Variants in PARP4 observed in about 807,000 individuals in gnomAD.
PARP4 encodes protein mono-ADP-ribosyltransferase PARP4.
A neutral mutation model predicts 187.7 loss-of-function variants in PARP4; 120 were observed. The observed-to-expected ratio is 0.64, with a 90% CI of 0.55 to 0.74. The LOEUF is 0.74. Ranked by LOEUF, PARP4 falls within the 30% of genes least tolerant of loss-of-function variation. The probability of loss-of-function intolerance (pLI) is 0.00; values close to 1 mark genes in which losing one functional copy is unlikely to be tolerated. For missense variants in PARP4, 1,836 were observed against 2,070.5 expected, an observed-to-expected ratio of 0.89 and a Z score of 2.20; for synonymous variants, 654 against 740.9, an observed-to-expected ratio of 0.88 and a Z score of 1.90.
In PARP4 at chr13:24,435,419, CTA is replaced by C. The variant is rs1565989242; in HGVS notation, c.3720_3721del (p.His1240GlnfsTer19). 3.7e-6 allele frequency: 6 copies of C among 1,610,956 alleles called. No homozygotes were observed. Among genetic ancestry groups the C allele is most frequent in the Non-Finnish European group, 5.1e-6 (6 of 1,179,616 alleles). ...TTTTCTTTTGGAAAATGGAATTTTCCTATGTTTTCGTTTGGATAAACGTAATT... is the reference window on the plus strand; with the variant it reads ...TTTTCTTTTGGAAAATGGAATTTTCCTGTTTTCGTTTGGATAAACGTAATT... On this transcript the variant is annotated frameshift_variant, in exon 31 of 34. Coordinates refer to ENST00000381989, the MANE Select transcript of PARP4 (RefSeq NM_006437.4). LOFTEE classifies it high-confidence loss of function.
chr13:24,483,872 C>G (rs1329789946), intron 12 of PARP4, among the ~76,000 whole-genome samples: 1 of 152,224 alleles, frequency 6.6e-6, no homozygotes, highest in Non-Finnish European at 1.5e-5. Context: ...AGTGATCTAC[C>G]TGCCTTGGCC....
rs769080811 is a variant in PARP4, at chr13:24,456,468, C to G, written c.2435G>C (p.Cys812Ser). 6.3e-7 allele frequency: 1 copy of G among 1,599,326 alleles called. No individual in the cohort carries two copies. Among genetic ancestry groups the G allele is most frequent in the Non-Finnish European group, 8.6e-7 (1 of 1,168,292 alleles). ...TTCCATGGTGCTAATGACAGCTTTG[C>G]AGTCTGTGCGCTGCAAAACAAACAC... ...THELKQKRTD[C>S]KAVISTMEGS... Residue 812 changes from cysteine (C) to serine (S), a missense_variant, in exon 21 of 34, where the codon TGC (cysteine) becomes TCC (serine). Cys to Ser is a moderately radical substitution (Grantham distance 112). Transcript: ENST00000381989.
intron 9 of PARP4, 59 bp downstream of exon 9, chr13:24,492,362 A>C: frequency 3.2e-6 from 4 of 1,238,742 alleles, no homozygotes. Context: ...CAGATTTCTA[A>C]AGACCCCCAC....
rs992372539 is a variant in PARP4, at chr13:24,477,708, C to G, written c.1782G>C (p.Lys594Asn). The G allele has an allele frequency of 1.9e-6, 3 of 1,569,786 alleles. No homozygotes were observed. The highest frequency in any genetic ancestry group is 2.7e-5 in the African/African-American group (2 of 73,114). Residue 594 changes from lysine (K) to asparagine (N), a missense_variant, in exon 14 of 34, where the codon AAG becomes AAC. Physicochemically the swap from Lys to Asn is moderately conservative, Grantham distance 94. Coordinates refer to ENST00000381989, the MANE Select transcript of PARP4 (RefSeq NM_006437.4). The stretch of plus-strand genomic sequence containing the variant: ...TCAAGAAAATTGTCCTACCTTCAAC[C>G]TTTGAAAAATTTGAAAACTCAGGTC... ...EYRPEFSNFSKVEDYQLPDAK... is the reference protein window; with the variant it reads ...EYRPEFSNFSNVEDYQLPDAK...
intron 12 of PARP4, among the ~76,000 whole-genome samples, chr13:24,480,277 G>C (rs1049521949): frequency 1.3e-5 from 2 of 152,194 alleles, no homozygotes; most frequent in African/African-American, 4.8e-5. Context: ...CTGCTCCACT[G>C]ACCAGTGGTT....
rs746712103 is a variant in PARP4 at position 24,503,804 on chromosome 13, C to A, written c.-1-27G>T. 3.9e-5 allele frequency: 62 copies of A among 1,602,778 alleles called. No individual in the cohort carries two copies. In the East Asian group the frequency reaches 1.0e-3, roughly 27 times the overall value. On this transcript the variant is annotated intron_variant, in intron 1 of 33. Transcript: ENST00000381989. The stretch of plus-strand genomic sequence containing the variant: ...TGTAGGAAAAAAAGTTTTTAAGGAC[C>A]CTCTCTTAAGTCAATATGACAGTGA...
At position 24,493,654 on chromosome 13, in the gene PARP4, G is replaced by A; in HGVS notation, c.821C>T (p.Ala274Val). The change falls in exon 8 of 34, where the codon GCC becomes GTC. Residue 274 changes from alanine (A) to valine (V), a missense_variant. Ala to Val is a moderately conservative substitution (Grantham distance 64). This residue lies in a region of PARP4 where 1,147 missense variants were observed against 1,214.2 expected (regional missense o/e 0.94). Transcript: ENST00000381989. ...AAGCATGTGTTCCAGGTGGCCCAGG[G>A]CCTCTGCCCAAATCATCTCTACTAA... ...SDLVEMIWAE[A>V]LGHLEHMLLK... 2 of 1,613,976 alleles carry A rather than the reference G, an allele frequency of 1.2e-6. No homozygotes were observed. The highest frequency in any genetic ancestry group is 1.1e-5 in the South Asian group (1 of 91,062).
chr13:24,510,610 G>A (rs376115567), intron 1 of PARP4, among the ~76,000 whole-genome samples: 6 of 148,616 alleles, frequency 4.0e-5, no homozygotes, highest in East Asian at 2.0e-4. Flanking sequence ...TAAAATGCTT[G>A]TACATATATT....
chr13:24,440,288 C>T (rs1870854087), intron 30 of PARP4, among the ~76,000 whole-genome samples: 1 of 151,678 alleles, frequency 6.6e-6, no homozygotes, highest in African/African-American at 2.4e-5. Flanking sequence ...ATCTCAGCAA[C>T]TCAGGAGACT....
intron 10 of PARP4, among the ~76,000 whole-genome samples, chr13:24,487,009 C>T (rs1219675320): frequency 6.6e-6 from 1 of 151,872 alleles, no homozygotes; most frequent in African/African-American, 2.4e-5. Flanking sequence ...CCCCTGTAAC[C>T]CCAGCACTTT....
intron 3 of PARP4, 48 bp from the exon 4 acceptor site, chr13:24,500,430 C>G: frequency 8.6e-7 from 1 of 1,161,040 alleles, no homozygotes; most frequent in South Asian, 1.4e-5. Flanking sequence ...CAAAGACTTA[C>G]TATAATTAGT....
At chr13:24,424,735 G>A (rs1256363569) in intron 33 of PARP4, among the ~76,000 whole-genome samples, 4 of 143,658 alleles carry the variant, frequency 2.8e-5, no homozygotes, top group African/African-American at 7.9e-5. Context: ...GCAGTGGCAC[G>A]ATCTTGACTC....
intron 6 of PARP4, among the ~76,000 whole-genome samples, chr13:24,497,757 C>A (rs1416113747): frequency 2.6e-5 from 4 of 152,146 alleles, no homozygotes; most frequent in Non-Finnish European, 5.9e-5. Flanking sequence ...TAAGTGAGAT[C>A]ATAAGGGTGG....
Position 24,469,433 on chromosome 13 carries a change from G to T in PARP4, c.2047-323C>A, listed in dbSNP as rs190612664. Among the ~76,000 whole-genome samples, 200 of 152,302 alleles carry T rather than the reference G, an allele frequency of 1.3e-3. 1 individual carries two copies. Among genetic ancestry groups the T allele is most frequent in the African/African-American group, 4.6e-3 (193 of 41,576 alleles). ...ATTTGGGAAATTGTAGTTTCTAATT[G>T]TAACTGTGGACTAATCCTTACAATA... On this transcript the variant is annotated intron_variant, in intron 16 of 33. Coordinates refer to ENST00000381989, the MANE Select transcript of PARP4 (RefSeq NM_006437.4).
intron 25 of PARP4, among the ~76,000 whole-genome samples, chr13:24,448,439 T>G (rs1593602134): frequency 7.8e-6 from 1 of 128,274 alleles, no homozygotes; most frequent in African/African-American, 2.7e-5. Flanking sequence ...AAAAGCTGAT[T>G]GATTTCAATC....
intron 17 of PARP4, among the ~76,000 whole-genome samples, chr13:24,467,715 T>C (rs1400284946): frequency 6.6e-6 from 1 of 152,216 alleles, no homozygotes; most frequent in Non-Finnish European, 1.5e-5. Flanking sequence ...TAGCAATAGT[T>C]CTGATCAGAC....
intron 11 of PARP4, 51 bp from the exon 12 acceptor site, chr13:24,484,799 C>T (rs758493036): frequency 2.0e-5 from 25 of 1,231,018 alleles, no homozygotes; most frequent in Non-Finnish European, 2.7e-5. Flanking sequence ...GACTGCATCT[C>T]TTCCTTGCTC....
intron 24 of PARP4, among the ~76,000 whole-genome samples, chr13:24,450,740 C>A (rs1871470039): frequency 6.6e-6 from 1 of 152,196 alleles, no homozygotes; most frequent in Admixed American, 6.5e-5. Flanking sequence ...TTAGAAAGAT[C>A]CCAAAAACTC....
chr13:24,431,680 A>C (rs1480254344), intron 31 of PARP4, among the ~76,000 whole-genome samples: 8 of 152,234 alleles, frequency 5.3e-5, no homozygotes, highest in African/African-American at 1.9e-4. Flanking sequence ...TCTAAAATAA[A>C]ACTTTAACAA....
Sources: gnomAD v4.1 joint callset for allele counts (sites outside exome capture counted in the v4.1 genomes callset) on GRCh38, gnomAD v4.1.1 for gene constraint, gnomAD v4.1.1 regional missense constraint, MANE v1.5 for transcripts, NCBI Gene and HGNC (gene_info 2026-07-23, HGNC 2026-07-21) for gene names.